Variants in PCDHA5 observed in about 807,000 individuals in gnomAD.
The protein encoded by PCDHA5 is protocadherin alpha-5.
Under a neutral mutation model 61.6 loss-of-function variants are expected in PCDHA5, and 43 were observed. The observed-to-expected ratio is 0.70, with a 90% CI of 0.55 to 0.90. The LOEUF (loss-of-function observed/expected upper bound fraction) is 0.90. Ranked by LOEUF, PCDHA5 falls within the 40% of genes least tolerant of loss-of-function variation. PCDHA5 has a pLI of 0.00. For missense variants in PCDHA5, 1,298 were observed against 1,222.7 expected (o/e 1.06, Z -0.92); for synonymous variants, 627 against 543.9 (o/e 1.15, Z -2.13).
chr5:140,978,890 A>G (rs2096827624), intron 1 of PCDHA5, 59 bp from the exon 2 acceptor site: 1 of 1,612,616 alleles, frequency 6.2e-7, no homozygotes. Context: ...AATTAGCAGC[A>G]TTCCTGGGAG....
chr5:140,940,983 C>G lies in PCDHA5; in HGVS notation c.2353-37966C>G, dbSNP rs572659107. On this transcript the variant is annotated intron_variant, in intron 1 of 3. Coordinates refer to ENST00000529859, the MANE Select transcript of PCDHA5 (RefSeq NM_018908.3). ...ATGCAGGATATCTGGTATCTAGTTA[C>G]AAGTTTATAGGATTAAATTTTCCTT... 3.9e-5 allele frequency among the ~76,000 whole-genome samples: 6 copies of G among 152,294 alleles called. No homozygotes were observed. In the South Asian group the frequency reaches 1.0e-3, roughly 26 times the overall value.
chr5:140,836,566 C>T, intron 1 of PCDHA5: 1 of 1,613,742 alleles, frequency 6.2e-7, no homozygotes, highest in Non-Finnish European at 8.5e-7. Flanking sequence ...GCGCCGTCCT[C>T]TGAGGGCGCA....
intron 1 of PCDHA5, chr5:140,969,445 A>G (rs2096331821): frequency 1.9e-6 from 3 of 1,542,150 alleles, no homozygotes; most frequent in Non-Finnish European, 2.6e-6. Context: ...TATCTGGTAA[A>G]CTGAGTATAT....
rs137969621 is a variant in PCDHA5, at chr5:140,884,072, G to T, written c.2352+59945G>T. The T allele has an allele frequency of 9.1e-5, 147 of 1,613,476 alleles. 1 individual carries two copies. In the African/African-American group the frequency reaches 1.7e-3, roughly 19 times the overall value. On this transcript the variant is annotated intron_variant, in intron 1 of 3. Coordinates refer to ENST00000529859, the MANE Select transcript of PCDHA5 (RefSeq NM_018908.3). ...GGTGCGCGCGGTGGACGCCGATTCGGGCTACAATGCGTGGCTTTCGTATGA... is the reference window on the plus strand; with the variant it reads ...GGTGCGCGCGGTGGACGCCGATTCGTGCTACAATGCGTGGCTTTCGTATGA...
At chr5:140,843,107 G>A in intron 1 of PCDHA5, 2 of 1,595,816 alleles carry the variant, frequency 1.3e-6, no homozygotes, top group Non-Finnish European at 1.7e-6. Context: ...GAAGGTGCGC[G>A]CAGTGGACGC....
At chr5:140,869,394 G>C (rs782128248) in intron 1 of PCDHA5, 1 of 1,614,196 alleles carries the variant, frequency 6.2e-7, no homozygotes, top group Non-Finnish European at 8.5e-7. Context: ...AGCTGTGCGG[G>C]CAGAGCGCGG....
intron 3 of PCDHA5, among the ~76,000 whole-genome samples, chr5:141,000,351 GTCTC>G (rs1554257240): frequency 3.0e-5 from 2 of 66,862 alleles, no homozygotes. Flanking sequence ...CTCTCTCTCT[GTCTC>G]TCTCTGTCTC....
chr5:140,985,289 T>C (rs2097145554), intron 3 of PCDHA5, among the ~76,000 whole-genome samples: 2 of 152,172 alleles, frequency 1.3e-5, no homozygotes, highest in African/African-American at 4.8e-5. Flanking sequence ...ATCTATGATA[T>C]AGTGTTGGCT....
intron 1 of PCDHA5, chr5:140,841,846 T>G (rs2150323998): frequency 6.2e-7 from 1 of 1,613,898 alleles, no homozygotes. Flanking sequence ...TTAGCTCTCA[T>G]GATTACTTCA....
intron 1 of PCDHA5, among the ~76,000 whole-genome samples, chr5:140,896,631 C>A (rs1583239619): frequency 6.6e-6 from 1 of 152,014 alleles, no homozygotes; most frequent in East Asian, 1.9e-4. Context: ...CCTGCCTTGG[C>A]CTCCCAAAGT....
chr5:140,902,724 C>T (rs1463381369), intron 1 of PCDHA5, among the ~76,000 whole-genome samples: 6 of 148,640 alleles, frequency 4.0e-5, no homozygotes, highest in Admixed American at 3.3e-4. Context: ...TCCCACCCTT[C>T]CCTCCAAGTC....
intron 1 of PCDHA5, among the ~76,000 whole-genome samples, chr5:140,949,294 T>C (rs1554218899): frequency 1.3e-5 from 2 of 151,840 alleles, no homozygotes; most frequent in African/African-American, 4.8e-5. Flanking sequence ...TATTCTGTAA[T>C]TGTTGGGTGT....
intron 3 of PCDHA5, among the ~76,000 whole-genome samples, chr5:140,991,311 G>A (rs1036350235): frequency 3.3e-5 from 5 of 152,108 alleles, no homozygotes; most frequent in Admixed American, 2.0e-4. Context: ...ATCTTGTCCC[G>A]CATGATACAT....
At chr5:140,885,832 T>C (rs888778134) in intron 1 of PCDHA5, among the ~76,000 whole-genome samples, 1 of 152,244 alleles carries the variant, frequency 6.6e-6, no homozygotes, top group South Asian at 2.1e-4. Flanking sequence ...TTCTTTGATT[T>C]ATCCATTAAG....
intron 1 of PCDHA5, chr5:140,835,817 G>T (rs2150245565): frequency 1.9e-6 from 3 of 1,612,632 alleles, no homozygotes; most frequent in Admixed American, 1.7e-5. Flanking sequence ...TCACTGTGTC[G>T]GCGGGGGACG....
At chr5:140,834,383 A>T in intron 1 of PCDHA5, 1 of 1,567,408 alleles carries the variant, frequency 6.4e-7, no homozygotes, top group Non-Finnish European at 8.6e-7. Flanking sequence ...AATAATTTGA[A>T]ATGGTGTGCC....
intron 1 of PCDHA5, among the ~76,000 whole-genome samples, chr5:140,905,837 G>A (rs1433117944): frequency 1.3e-5 from 2 of 152,148 alleles, no homozygotes; most frequent in African/African-American, 2.4e-5. Context: ...ATAAAGGGGA[G>A]TTTATTAAGG....
Position 140,835,426 on chromosome 5 carries a change from C to A in PCDHA5, c.2352+11299C>A, listed in dbSNP as rs1773631354. On this transcript the variant is annotated intron_variant, in intron 1 of 3. Transcript: ENST00000529859. ...GTTGTGGATGTAAATGACAATGCTC[C>A]ACAGTTGACTCTCACTTCCCTGTCT... 7 of 1,613,914 alleles carry A rather than the reference C, an allele frequency of 4.3e-6. No individual in the cohort carries two copies. In the East Asian group the frequency reaches 1.6e-4, roughly 36 times the overall value.
chr5:140,901,146 C>T (rs1463079898), intron 1 of PCDHA5, among the ~76,000 whole-genome samples: 1 of 152,062 alleles, frequency 6.6e-6, no homozygotes, highest in Admixed American at 6.6e-5. Context: ...AATATTTTCT[C>T]TCAATCTGTG....
Sources: allele counts gnomAD v4.1 joint callset (sites outside exome capture counted in the v4.1 genomes callset), GRCh38; gene constraint gnomAD v4.1.1; transcripts MANE v1.5; gene names NCBI Gene and HGNC (gene_info 2026-07-23, HGNC 2026-07-21).